RBFOX1: variants seen among roughly 807,000 people sequenced by gnomAD.
RBFOX1 encodes the protein RNA binding fox-1 homolog 1.
RBFOX1 carries 8 observed loss-of-function variants against 57.7 expected under a neutral mutation model. That is an observed-to-expected ratio of 0.14 (90% CI 0.08 to 0.25). RBFOX1 has a LOEUF of 0.25. Ranked by LOEUF, RBFOX1 falls within the 10% of genes least tolerant of loss-of-function variation. The pLI is 1.00. For missense variants in RBFOX1, 611 were observed against 548.5 expected (o/e 1.11, Z -1.14); for synonymous variants, 326 against 222.4 (o/e 1.47, Z -4.15).
intron 14 of RBFOX1, among the ~76,000 whole-genome samples, chr16:7,692,836 C>G (rs943293480): frequency 2.6e-5 from 4 of 151,994 alleles, no homozygotes; most frequent in African/African-American, 9.7e-5. Flanking sequence ...AAATTATTAT[C>G]CATAACACAT....
chr16:7,563,053 C>T (rs9932628), intron 5 of RBFOX1, among the ~76,000 whole-genome samples: 1 of 152,280 alleles, frequency 6.6e-6, no homozygotes, highest in East Asian at 1.9e-4. Flanking sequence ...AGGGACTAAA[C>T]ATCCCAAAGA....
intron 3 of RBFOX1, among the ~76,000 whole-genome samples, chr16:6,931,501 G>A (rs997466299): frequency 6.6e-6 from 1 of 152,064 alleles, no homozygotes; most frequent in Non-Finnish European, 1.5e-5. Flanking sequence ...ACATCAATGA[G>A]AACACTCATT....
chr16:6,976,842 TATG>T (rs1415522017), intron 3 of RBFOX1, among the ~76,000 whole-genome samples: 19 of 133,826 alleles, frequency 1.4e-4, no homozygotes, highest in South Asian at 4.9e-4. Context: ...GTACCTATCA[TATG>T]ATGTATATCA....
chr16:6,956,972 G>C (rs990550872), intron 3 of RBFOX1, among the ~76,000 whole-genome samples: 1 of 152,054 alleles, frequency 6.6e-6, no homozygotes, highest in African/African-American at 2.4e-5. Context: ...AAAGAATTCA[G>C]GGCAAGTCTG....
chr16:5,540,432 T>C (rs1030071962), intron 2 of RBFOX1, among the ~76,000 whole-genome samples: 1 of 152,232 alleles, frequency 6.6e-6, no homozygotes, highest in Non-Finnish European at 1.5e-5. Context: ...GTTGGTCTGA[T>C]ATATGGCACA....
At chr16:5,717,333 T>C (rs1018871967) in intron 3 of RBFOX1, among the ~76,000 whole-genome samples, 1 of 152,178 alleles carries the variant, frequency 6.6e-6, no homozygotes, top group African/African-American at 2.4e-5. Context: ...TCTATCTTTT[T>C]TTCTTAATAC....
At chr16:6,491,671 GC>G (rs747936289) in intron 2 of RBFOX1, among the ~76,000 whole-genome samples, 7 of 152,188 alleles carry the variant, frequency 4.6e-5, no homozygotes, top group Non-Finnish European at 7.3e-5. Context: ...ATTTCCAGCA[GC>G]CCTATGAGGC....
Position 5,339,470 on chromosome 16 carries a change from GTTTTTTTTTTTTT to G in RBFOX1, c.219+99383_219+99395del, listed in dbSNP as rs560472298. On this transcript the variant is annotated intron_variant, in intron 1 of 2. Coordinates refer to the RBFOX1 transcript ENST00000585867. ...AAAAGCTAGAAGCTGCTTTTTCCGT[GTTTTTTTTTTTTT>G]TTTTTTTTTTTTTTTTTGAGATGGA... 7.8e-4 allele frequency among the ~76,000 whole-genome samples: 32 copies of G among 40,888 alleles called. 1 individual carries two copies. Among genetic ancestry groups the G allele is most frequent in the South Asian group, 2.0e-3 (1 of 498 alleles). 26.8% of individuals were successfully genotyped at this position (40,888 alleles called of 152,430 possible). A position where few individuals can be genotyped will look rare whatever the true frequency, so the allele number is the denominator to read the frequency against.
chr16:6,506,930 G>C (rs1212943829), intron 2 of RBFOX1, among the ~76,000 whole-genome samples: 1 of 152,168 alleles, frequency 6.6e-6, no homozygotes, highest in African/African-American at 2.4e-5. Context: ...TTACAGTCAT[G>C]AGCCACCGTG....
At chr16:7,568,446 T>A (rs965216288) in intron 5 of RBFOX1, among the ~76,000 whole-genome samples, 1 of 152,108 alleles carries the variant, frequency 6.6e-6, no homozygotes, top group Non-Finnish European at 1.5e-5. Context: ...GTGATTAGTG[T>A]ATAATGAACA....
chr16:7,479,349 T>C (rs953725124), intron 4 of RBFOX1, among the ~76,000 whole-genome samples: 3 of 152,078 alleles, frequency 2.0e-5, no homozygotes, highest in African/African-American at 2.4e-5. Context: ...CAGGCTAGTC[T>C]TGAACTCCTG....
chr16:7,062,892 CATTTTTTT>C (rs575218054), intron 4 of RBFOX1, among the ~76,000 whole-genome samples: 17,066 of 59,100 alleles, frequency 0.29, 5,013 homozygotes, highest in South Asian at 0.49. Flanking sequence ...AAATGATCGC[CATTTTTTT>C]TTTTTTTTTT....
At chr16:5,711,363 A>T (rs770691058) in intron 3 of RBFOX1, among the ~76,000 whole-genome samples, 1 of 152,212 alleles carries the variant, frequency 6.6e-6, no homozygotes, top group Non-Finnish European at 1.5e-5. Flanking sequence ...CAAAGCTTAG[A>T]TCTATAACCA....
At chr16:7,645,477 A>G (rs1286902124) in intron 11 of RBFOX1, among the ~76,000 whole-genome samples, 1 of 152,192 alleles carries the variant, frequency 6.6e-6, no homozygotes, top group African/African-American at 2.4e-5. Context: ...TAATATTTTT[A>G]TCGACACTTT....
At chr16:6,232,966 G>T (rs1322904423) in intron 1 of RBFOX1, among the ~76,000 whole-genome samples, 1 of 152,126 alleles carries the variant, frequency 6.6e-6, no homozygotes, top group Non-Finnish European at 1.5e-5. Flanking sequence ...CTCAATATGG[G>T]CAGGGTAGCC....
At chr16:7,179,775 C>G (rs572649091) in intron 4 of RBFOX1, among the ~76,000 whole-genome samples, 8 of 152,200 alleles carry the variant, frequency 5.3e-5, no homozygotes, top group African/African-American at 1.9e-4. Context: ...TGCTCTGTCA[C>G]TCAGTCTGGA....
At chr16:5,336,102 C>G (rs1454789176) in intron 1 of RBFOX1, among the ~76,000 whole-genome samples, 1 of 152,110 alleles carries the variant, frequency 6.6e-6, no homozygotes. Context: ...AGTCTGAACT[C>G]CAAATCATTG....
intron 2 of RBFOX1, among the ~76,000 whole-genome samples, chr16:5,547,263 T>C (rs1468528116): frequency 1.3e-5 from 2 of 152,180 alleles, no homozygotes; most frequent in African/African-American, 2.4e-5. Context: ...TATTTATCCA[T>C]GAGAAAAGGC....
intron 4 of RBFOX1, among the ~76,000 whole-genome samples, chr16:7,333,633 C>G (rs2096732292): frequency 6.6e-6 from 1 of 152,152 alleles, no homozygotes; most frequent in Non-Finnish European, 1.5e-5. Context: ...AGAGATTATT[C>G]TAGGAATCCC....
Sources: allele counts gnomAD v4.1 joint callset (sites outside exome capture counted in the v4.1 genomes callset), GRCh38; gene constraint gnomAD v4.1.1; transcripts MANE v1.5; gene names NCBI Gene and HGNC (gene_info 2026-07-23, HGNC 2026-07-21).